Variants in CACNA1E observed in about 807,000 individuals in gnomAD.
CACNA1E encodes calcium voltage-gated channel subunit alpha1 E, also known as voltage-dependent R-type calcium channel subunit alpha-1E.
A neutral mutation model predicts 259.2 loss-of-function variants in CACNA1E; 40 were observed. The ratio of observed to expected loss-of-function variants is 0.15; its 90% CI spans 0.12 to 0.20. CACNA1E has a LOEUF of 0.20. CACNA1E is among the 10% of genes least tolerant of loss of function. CACNA1E has a pLI of 1.00. For missense variants in CACNA1E, 1,874 were observed against 3,040.1 expected (o/e 0.62, Z 9.02); for synonymous variants, 1,104 against 1,138.5 (o/e 0.97, Z 0.61).
rs555782936 is a variant in CACNA1E, at chr1:181,361,916, G to A, written c.-15+43793G>A. On this transcript the variant is annotated intron_variant, in intron 1 of 11. Coordinates refer to the CACNA1E transcript ENST00000524607. ...TTAATGATTATTAGATTTGTTAAGT[G>A]TACATACTACTCAGCATAGTATGTG... is the stretch of plus-strand genomic sequence containing the variant. 3.3e-4 allele frequency among the ~76,000 whole-genome samples: 50 copies of A among 152,302 alleles called. 1 individual carries two copies. In the South Asian group the frequency reaches 9.9e-3, roughly 30 times the overall value.
intron 6 of CACNA1E, among the ~76,000 whole-genome samples, chr1:181,640,984 T>C (rs895050570): frequency 2.2e-4 from 33 of 152,150 alleles, no homozygotes; most frequent in African/African-American, 7.2e-4. Context: ...ATAAAGAAGG[T>C]CCATAAATAA....
chr1:181,646,908 C>T (rs927859653), intron 6 of CACNA1E, among the ~76,000 whole-genome samples: 7 of 152,374 alleles, frequency 4.6e-5, no homozygotes, highest in Middle Eastern at 3.4e-3. Context: ...GACTGGTACC[C>T]GCTGAGCACT....
intron 2 of CACNA1E, among the ~76,000 whole-genome samples, chr1:181,476,947 C>T (rs556421430): frequency 1.3e-5 from 2 of 152,276 alleles, no homozygotes; most frequent in Admixed American, 1.3e-4. Context: ...AAACTCCGAA[C>T]CTCCAAATCA....
intron 2 of CACNA1E, among the ~76,000 whole-genome samples, chr1:181,436,394 G>T (rs1394617274): frequency 6.6e-6 from 1 of 152,152 alleles, no homozygotes; most frequent in African/African-American, 2.4e-5. Flanking sequence ...TCAATATTTT[G>T]AAGAGATATC....
At chr1:181,575,845 C>T (rs754080582) in intron 3 of CACNA1E, among the ~76,000 whole-genome samples, 2 of 152,182 alleles carry the variant, frequency 1.3e-5, no homozygotes, top group Non-Finnish European at 2.9e-5. Flanking sequence ...ACAATGATTC[C>T]TTCTTTTTTG....
intron 45 of CACNA1E, 102 bp downstream of exon 45, chr1:181,793,895 C>T (rs1661553974): frequency 3.2e-6 from 4 of 1,240,262 alleles, no homozygotes; most frequent in Non-Finnish European, 4.4e-6. Context: ...GACTTGCCCG[C>T]ACCCCTTCCC....
intron 1 of CACNA1E, among the ~76,000 whole-genome samples, chr1:181,392,687 A>T (rs886806004): frequency 2.0e-5 from 3 of 152,342 alleles, no homozygotes; most frequent in African/African-American, 7.2e-5. Context: ...GTGATCAGTG[A>T]TCTCAGAACC....
At chr1:181,363,306 G>T (rs1272542873) in intron 1 of CACNA1E, among the ~76,000 whole-genome samples, 1 of 152,204 alleles carries the variant, frequency 6.6e-6, no homozygotes, top group Non-Finnish European at 1.5e-5. Context: ...GCGCGTGTGG[G>T]ATGTCTATTA....
intron 3 of CACNA1E, among the ~76,000 whole-genome samples, chr1:181,523,457 G>A (rs1045523728): frequency 2.0e-5 from 3 of 152,122 alleles, no homozygotes; most frequent in South Asian, 2.1e-4. Flanking sequence ...ATTCAATATA[G>A]CATAGTGATT....
chr1:181,343,793 C>G (rs1408053583), intron 1 of CACNA1E, among the ~76,000 whole-genome samples: 1 of 152,142 alleles, frequency 6.6e-6, no homozygotes, highest in Admixed American at 6.5e-5. Context: ...AAAGAGGAAA[C>G]CTGGTGATGC....
intron 1 of CACNA1E, among the ~76,000 whole-genome samples, chr1:181,338,386 C>T (rs1651881465): frequency 6.6e-6 from 1 of 152,062 alleles, no homozygotes; most frequent in South Asian, 2.1e-4. Context: ...CACCTGGTCC[C>T]CTTTGTGGTT....
intron 2 of CACNA1E, among the ~76,000 whole-genome samples, chr1:181,475,036 C>T (rs908504727): frequency 5.9e-5 from 9 of 152,146 alleles, no homozygotes; most frequent in Admixed American, 5.9e-4. Context: ...CACCTGGCAG[C>T]AGAGAGAGGC....
chr1:181,446,247 G>A (rs1473893230), intron 2 of CACNA1E, among the ~76,000 whole-genome samples: 1 of 152,166 alleles, frequency 6.6e-6, no homozygotes, highest in African/African-American at 2.4e-5. Context: ...CATCACAGGG[G>A]TGCCATCCTG....
chr1:181,496,264 T>C (rs1474914462), intron 1 of CACNA1E, among the ~76,000 whole-genome samples: 1 of 152,244 alleles, frequency 6.6e-6, no homozygotes, highest in African/African-American at 2.4e-5. Flanking sequence ...GCAATAATGA[T>C]GCAGAATTTT....
At chr1:181,335,991 C>T (rs754321429) in intron 1 of CACNA1E, among the ~76,000 whole-genome samples, 18 of 152,204 alleles carry the variant, frequency 1.2e-4, no homozygotes, top group Admixed American at 3.9e-4. Flanking sequence ...GTTATCCAGA[C>T]GACCTCACTA....
chr1:181,503,958 T>A (rs1358667175), intron 1 of CACNA1E, among the ~76,000 whole-genome samples: 1 of 152,228 alleles, frequency 6.6e-6, no homozygotes, highest in East Asian at 1.9e-4. Context: ...TTCATTCCTG[T>A]TCATATGTAA....
intron 3 of CACNA1E, among the ~76,000 whole-genome samples, chr1:181,572,306 T>TGCTGTGCC (rs1650497027): frequency 6.6e-6 from 1 of 152,238 alleles, no homozygotes; most frequent in South Asian, 2.1e-4. Flanking sequence ...TCTTCTGTTC[T>TGCTGTGCC]GCTGTGCCAC....
chr1:181,532,374 C>G (rs1253332770), intron 3 of CACNA1E, among the ~76,000 whole-genome samples: 1 of 152,222 alleles, frequency 6.6e-6, no homozygotes, highest in Non-Finnish European at 1.5e-5. Context: ...GATTCAGAAG[C>G]TTTGTGAATG....
intron 3 of CACNA1E, among the ~76,000 whole-genome samples, chr1:181,519,873 C>T (rs74130019): frequency 0.082 from 12,491 of 152,150 alleles, 1,733 homozygotes; most frequent in African/African-American, 0.28. Context: ...AATGACCTGG[C>T]GGCTCTGGGT....
Sources: allele counts gnomAD v4.1 joint callset (sites outside exome capture counted in the v4.1 genomes callset), GRCh38; gene constraint gnomAD v4.1.1; transcripts MANE v1.5; gene names NCBI Gene and HGNC (gene_info 2026-07-23, HGNC 2026-07-21).